Variants in WDPCP observed in about 807,000 individuals in gnomAD.
The protein encoded by WDPCP is WD repeat containing planar cell polarity effector.
A neutral mutation model predicts 93.1 loss-of-function variants in WDPCP; 71 were observed. That is an observed-to-expected ratio of 0.76 (90% CI 0.63 to 0.93). The LOEUF is 0.93. Among genes scored for constraint, WDPCP ranks in the 40% least tolerant of loss-of-function variants. WDPCP has a pLI of 0.00. For missense variants in WDPCP, 844 were observed against 887.4 expected (o/e 0.95, Z 0.62); for synonymous variants, 315 against 315.0 (o/e 1.00, Z 0.00).
chr2:63,721,744 AC>A (rs1422371504), intron 2 of WDPCP, among the ~76,000 whole-genome samples: 1 of 20,378 alleles, frequency 4.9e-5, no homozygotes, highest in Admixed American at 6.0e-4. Context: ...CCCTCTCCCC[AC>A]GGTCTCCCTC....
intron 3 of WDPCP, chr2:63,643,611 G>A (rs1482618357): frequency 2.3e-6 from 1 of 443,618 alleles, no homozygotes; most frequent in Non-Finnish European, 4.4e-6. Context: ...AGTGGATAGT[G>A]TGAACATCAT....
intron 6 of WDPCP, among the ~76,000 whole-genome samples, chr2:63,466,177 T>G (rs914132506): frequency 6.6e-6 from 1 of 152,208 alleles, no homozygotes; most frequent in Admixed American, 6.6e-5. Flanking sequence ...GGACAGGTAC[T>G]TCTTCACTGT....
intron 1 of WDPCP, among the ~76,000 whole-genome samples, chr2:63,581,967 C>T (rs574992786): frequency 6.6e-6 from 1 of 150,862 alleles, no homozygotes; most frequent in African/African-American, 2.4e-5. Context: ...CTAGCTCTAG[C>T]CTGGGCAACA....
At chr2:63,629,717 T>C (rs1709844920) in intron 3 of WDPCP, among the ~76,000 whole-genome samples, 2 of 152,158 alleles carry the variant, frequency 1.3e-5, no homozygotes, top group Non-Finnish European at 2.9e-5. Flanking sequence ...TCAACCCCAC[T>C]TGGGTATCAG....
intron 10 of WDPCP, among the ~76,000 whole-genome samples, chr2:63,393,786 T>C (rs1030066757): frequency 6.6e-6 from 1 of 151,780 alleles, no homozygotes; most frequent in Non-Finnish European, 1.5e-5. Context: ...CCTACAACCA[T>C]ATGATCTTGA....
chr2:63,780,333 T>C (rs981764415), intron 2 of WDPCP, among the ~76,000 whole-genome samples: 4 of 152,196 alleles, frequency 2.6e-5, no homozygotes, highest in African/African-American at 7.2e-5. Flanking sequence ...CATGTATCAC[T>C]GTACCCTGAG....
At chr2:63,715,319 T>A (rs1429635774) in intron 2 of WDPCP, among the ~76,000 whole-genome samples, 4 of 152,254 alleles carry the variant, frequency 2.6e-5, no homozygotes, top group Non-Finnish European at 4.4e-5. Flanking sequence ...TGCAAATAAA[T>A]GCAAAACAGC....
chr2:63,700,449 T>C (rs953080069), intron 2 of WDPCP, among the ~76,000 whole-genome samples: 5 of 151,978 alleles, frequency 3.3e-5, no homozygotes, highest in East Asian at 1.9e-4. Context: ...TGCACAGACA[T>C]GGTGAGTGAG....
At chr2:63,771,608 T>C (rs1206934286) in intron 2 of WDPCP, among the ~76,000 whole-genome samples, 1 of 151,976 alleles carries the variant, frequency 6.6e-6, no homozygotes, top group Non-Finnish European at 1.5e-5. Context: ...AATTGTTATA[T>C]TGCATGATGC....
chr2:63,249,925 T>C (rs753214807), intron 14 of WDPCP, among the ~76,000 whole-genome samples: 2 of 152,218 alleles, frequency 1.3e-5, no homozygotes, highest in Non-Finnish European at 2.9e-5. Flanking sequence ...CTTTTGCAGT[T>C]TGAGGTGCAA....
At chr2:63,777,475 C>T (rs934162129) in intron 2 of WDPCP, among the ~76,000 whole-genome samples, 2 of 152,136 alleles carry the variant, frequency 1.3e-5, no homozygotes, top group Admixed American at 6.6e-5. Flanking sequence ...TGAATGTTCA[C>T]AGCAGCTCTA....
At chr2:63,678,515 G>A (rs983816464) in intron 2 of WDPCP, among the ~76,000 whole-genome samples, 1 of 152,204 alleles carries the variant, frequency 6.6e-6, no homozygotes, top group Non-Finnish European at 1.5e-5. Flanking sequence ...CCAGCCTACA[G>A]TACCTGCATG....
chr2:63,313,872 A>ATGTGTGTGTGTG (rs377622195), intron 12 of WDPCP, among the ~76,000 whole-genome samples: 20 of 101,604 alleles, frequency 2.0e-4, no homozygotes, highest in South Asian at 3.5e-4. Flanking sequence ...ATATATATAT[A>ATGTGTGTGTGTG]TATATATATA....
At chr2:63,418,411 G>A (rs2105330312) in intron 9 of WDPCP, among the ~76,000 whole-genome samples, 1 of 152,308 alleles carries the variant, frequency 6.6e-6, no homozygotes, top group Non-Finnish European at 1.5e-5. Context: ...TAGGATAGTG[G>A]TTGGTGACAT....
chr2:63,552,579 G>C (rs1705762315), intron 1 of WDPCP, among the ~76,000 whole-genome samples: 1 of 151,864 alleles, frequency 6.6e-6, no homozygotes, highest in South Asian at 2.1e-4. Context: ...TTGTTATATG[G>C]GTATATTGCG....
chr2:63,165,299 T>C (rs1390876636), intron 15 of WDPCP, among the ~76,000 whole-genome samples: 3 of 152,170 alleles, frequency 2.0e-5, no homozygotes, highest in Admixed American at 6.5e-5. Context: ...ATATAAATAA[T>C]TGTATGATTT....
In WDPCP at chr2:63,700,518, T is replaced by C. The variant is rs192030434; in HGVS notation, n.309-49680A>G. On this transcript the variant is annotated intron_variant and non_coding_transcript_variant, in intron 2 of 4. Coordinates refer to the WDPCP transcript ENST00000467687. ...GAAGACAAATGTGGTATGCCTGTCATTGTAATTTATGTTCCCTACTCATTA... is the reference window on the plus strand; with the variant it reads ...GAAGACAAATGTGGTATGCCTGTCACTGTAATTTATGTTCCCTACTCATTA... Among the ~76,000 whole-genome samples, 14 of 152,248 alleles carry C rather than the reference T, an allele frequency of 9.2e-5. No homozygotes were observed. In the East Asian group the frequency reaches 1.3e-3, roughly 15 times the overall value.
intron 2 of WDPCP, among the ~76,000 whole-genome samples, chr2:63,656,979 C>G (rs1342725293): frequency 6.6e-6 from 1 of 151,996 alleles, no homozygotes; most frequent in Non-Finnish European, 1.5e-5. Flanking sequence ...AAGTAAGTGC[C>G]AAAGACCTGA....
chr2:63,578,913 G>C lies in WDPCP; in HGVS notation c.75+9284C>G, dbSNP rs182024860. Among the ~76,000 whole-genome samples the C allele has an allele frequency of 1.4e-3, 213 of 152,216 alleles. 1 individual carries two copies. The Middle Eastern group carries it at 0.031, about 22-fold the overall frequency. On this transcript the variant is annotated intron_variant, in intron 1 of 17. Coordinates refer to ENST00000272321, the MANE Select transcript of WDPCP (RefSeq NM_015910.7). ...CCCTATTTGTTCCTATTTAGGAGAG[G>C]AGAGAATAGGATTGGAATCTCACAG...
Sources: allele counts gnomAD v4.1 joint callset (sites outside exome capture counted in the v4.1 genomes callset), GRCh38; gene constraint gnomAD v4.1.1; transcripts MANE v1.5; gene names NCBI Gene and HGNC (gene_info 2026-07-23, HGNC 2026-07-21).